The following DMD variants were observed in gnomAD, a reference collection of about 807,000 sequenced individuals.
The protein encoded by DMD is mutant dystrophin.
DMD carries 63 observed loss-of-function variants against 330.1 expected under a neutral mutation model. That is an observed-to-expected ratio of 0.19 (90% CI 0.16 to 0.24). DMD has a LOEUF of 0.24. DMD is among the 10% of genes least tolerant of loss of function. The pLI, the probability that DMD is intolerant of heterozygous loss-of-function variation, is 1.00. For missense variants in DMD, 3,344 were observed against 2,684.1 expected, an observed-to-expected ratio of 1.25 and a Z score of -5.43; for synonymous variants, 1,223 against 959.8, an observed-to-expected ratio of 1.27 and a Z score of -5.07.
At chrX:32,447,540 T>C (rs2098310635) in intron 27 of DMD, among the ~76,000 whole-genome samples, 1 of 111,769 alleles carries the variant, frequency 8.9e-6, no homozygotes, top group African/African-American at 3.2e-5. Context: ...TTTAAAGGTG[T>C]ACTTTATTAT....
chrX:32,816,183 C>T (rs1390246701), intron 6 of DMD, among the ~76,000 whole-genome samples: 2 of 111,725 alleles, frequency 1.8e-5, no homozygotes, highest in Non-Finnish European at 1.9e-5. Flanking sequence ...CCTGGATTTA[C>T]TGGGATTCCC....
At chrX:31,265,783 T>TGGGGGGGGGG (rs57593344) in intron 62 of DMD, among the ~76,000 whole-genome samples, 1 of 16,267 alleles carries the variant, frequency 6.1e-5, no homozygotes, top group Non-Finnish European at 9.8e-5. Context: ...ATTGGGGGTG[T>TGGGGGGGGGG]GGGGGGGGGG....
intron 44 of DMD, among the ~76,000 whole-genome samples, chrX:32,165,101 A>ATGTGGGGT (rs1384980524): frequency 8.9e-6 from 1 of 112,443 alleles, no homozygotes; most frequent in Non-Finnish European, 1.9e-5. Flanking sequence ...TGGAAGGGAA[A>ATGTGGGGT]TGTGGGGTTG....
intron 55 of DMD, among the ~76,000 whole-genome samples, chrX:31,539,469 A>G (rs188744388): frequency 2.7e-5 from 3 of 111,971 alleles, no homozygotes; most frequent in Admixed American, 1.9e-4. Context: ...TTCAAGGTTA[A>G]CTACCTGCCT....
chrX:31,220,745 A>G (rs916121504), intron 64 of DMD, among the ~76,000 whole-genome samples: 3 of 109,920 alleles, frequency 2.7e-5, no homozygotes, highest in African/African-American at 1.0e-4. Context: ...TCCCACATTC[A>G]CCTGATATTC....
intron 55 of DMD, among the ~76,000 whole-genome samples, chrX:31,515,157 AAAG>A (rs199896059): frequency 0.012 from 1,336 of 112,054 alleles, 22 homozygotes; most frequent in African/African-American, 0.041. Context: ...GAAGAAAAAT[AAAG>A]AAGGGAGATG....
intron 13 of DMD, among the ~76,000 whole-genome samples, chrX:32,579,588 T>C (rs1362856945): frequency 2.7e-5 from 3 of 112,300 alleles, no homozygotes; most frequent in African/African-American, 9.7e-5. Context: ...CCCTTTGGAG[T>C]CTTTTCATAT....
chrX:32,799,047 C>T (rs746878240), intron 7 of DMD, among the ~76,000 whole-genome samples: 11 of 111,279 alleles, frequency 9.9e-5, no homozygotes, highest in Non-Finnish European at 1.7e-4. Context: ...TCTTTTATAG[C>T]AAATTCTATG....
chrX:31,398,958 G>A (rs1222303614), intron 60 of DMD, among the ~76,000 whole-genome samples: 1 of 111,723 alleles, frequency 9.0e-6, no homozygotes, highest in Non-Finnish European at 1.9e-5. Context: ...GCATTTTTGA[G>A]TGCTGGCAAG....
chrX:33,136,421 C>T (rs895005835), intron 1 of DMD, among the ~76,000 whole-genome samples: 55 of 102,786 alleles, frequency 5.4e-4, no homozygotes, highest in African/African-American at 2.0e-3. Flanking sequence ...GTATTGTCAT[C>T]ACGAGTAGCA....
intron 2 of DMD, among the ~76,000 whole-genome samples, chrX:32,885,250 T>TA (rs767001009): frequency 3.6e-5 from 4 of 111,472 alleles, no homozygotes; most frequent in Non-Finnish European, 7.5e-5. Flanking sequence ...CAAGACAAAT[T>TA]AGAGATATTG....
chrX:32,085,935 A>T (rs1255734660), intron 44 of DMD, among the ~76,000 whole-genome samples: 1 of 111,629 alleles, frequency 9.0e-6, no homozygotes, highest in Non-Finnish European at 1.9e-5. Context: ...TGTCTGCAAC[A>T]GCACTATTTG....
chrX:31,670,862 C>T (rs2148685710), intron 53 of DMD, among the ~76,000 whole-genome samples: 1 of 110,693 alleles, frequency 9.0e-6, no homozygotes, highest in East Asian at 2.8e-4. Context: ...TGGGCTCAGG[C>T]TTTTAGTATG....
At chrX:33,208,347 T>C (rs1156571257) in intron 1 of DMD, among the ~76,000 whole-genome samples, 1 of 111,603 alleles carries the variant, frequency 9.0e-6, no homozygotes, top group Non-Finnish European at 1.9e-5. Flanking sequence ...AGATTAAATG[T>C]CAACACATCT....
At chrX:31,140,514 A>C (rs919449133) in intron 76 of DMD, among the ~76,000 whole-genome samples, 1 of 111,943 alleles carries the variant, frequency 8.9e-6, no homozygotes, top group Admixed American at 9.5e-5. Context: ...GATGTATCCA[A>C]TACCCAACAT....
chrX:32,095,429 C>T (rs2096498808), intron 44 of DMD, among the ~76,000 whole-genome samples: 1 of 110,700 alleles, frequency 9.0e-6, no homozygotes. Context: ...GGTTAAAGTC[C>T]TTATTTCCCT....
chrX:31,288,156 G>A (rs1044104419), intron 62 of DMD, among the ~76,000 whole-genome samples: 5 of 111,805 alleles, frequency 4.5e-5, no homozygotes, highest in African/African-American at 1.6e-4. Context: ...AAAAAAAAGT[G>A]GGGGCGGGAG....
At chrX:33,223,864 GA>G (rs1293827589) in intron 1 of DMD, among the ~76,000 whole-genome samples, 1 of 111,588 alleles carries the variant, frequency 9.0e-6, no homozygotes, top group Non-Finnish European at 1.9e-5. Flanking sequence ...AATATACAAA[GA>G]ACTGTTAAAA....
In DMD at chrX:32,759,909, A is replaced by G. The variant is rs1274729502; in HGVS notation, c.649+49584T>C. Among the ~76,000 whole-genome samples, 3 of 109,172 alleles carry G rather than the reference A, an allele frequency of 2.7e-5. No individual in the cohort carries two copies. The Admixed American group carries it at 3.0e-4, about 11-fold the overall frequency. 94.8% of individuals were successfully genotyped at this position (109,172 alleles called of 115,157 possible). A position where few individuals can be genotyped will look rare whatever the true frequency, so the allele number is the denominator to read the frequency against. On this transcript the variant is annotated intron_variant, in intron 7 of 78. Coordinates refer to ENST00000357033, the MANE Select transcript of DMD (RefSeq NM_004006.3). ...TGTGATACATTTCTTCAGGATTCTA[A>G]CAATTTTCCACTCAGAAAGTAGTCC...
Sources: allele counts gnomAD v4.1 joint callset (sites outside exome capture counted in the v4.1 genomes callset), GRCh38; gene constraint gnomAD v4.1.1; transcripts MANE v1.5; gene names NCBI Gene and HGNC (gene_info 2026-07-23, HGNC 2026-07-21).